The following TRIM37 variants were observed in gnomAD, a reference collection of about 807,000 sequenced individuals.
TRIM37 encodes the protein E3 ubiquitin-protein ligase TRIM37.
Under a neutral mutation model 129.8 loss-of-function variants are expected in TRIM37, and 80 were observed. The observed-to-expected ratio is 0.62, with a 90% CI of 0.51 to 0.74. The LOEUF (loss-of-function observed/expected upper bound fraction) is 0.74. Among genes scored for constraint, TRIM37 ranks in the 30% least tolerant of loss-of-function variants. TRIM37 has a pLI of 0.00. For synonymous variants in TRIM37, 389 were observed against 387.1 expected (o/e 1.00, Z -0.06); for missense variants, 1,054 against 1,176.5 (o/e 0.90, Z 1.52).
At chr17:58,986,729 G>C (rs1303148948) in intron 24 of TRIM37, among the ~76,000 whole-genome samples, 1 of 152,060 alleles carries the variant, frequency 6.6e-6, no homozygotes, top group South Asian at 2.1e-4. Flanking sequence ...GACTGGTCTT[G>C]AACACCTGAC....
chr17:59,023,071 TTTTA>T (rs527276083), intron 19 of TRIM37, among the ~76,000 whole-genome samples: 22 of 152,118 alleles, frequency 1.4e-4, no homozygotes, highest in South Asian at 6.2e-4. Context: ...CTTTTAACTT[TTTTA>T]TTTATTTATT....
At chr17:59,034,647 A>C (rs965645051) in intron 17 of TRIM37, among the ~76,000 whole-genome samples, 1 of 152,094 alleles carries the variant, frequency 6.6e-6, no homozygotes, top group African/African-American at 2.4e-5. Context: ...GGCAGGAGCC[A>C]TGGTGCCCGG....
At chr17:59,105,091 CAAA>C (rs35249068) in intron 1 of TRIM37, among the ~76,000 whole-genome samples, 3 of 122,662 alleles carry the variant, frequency 2.4e-5, no homozygotes, top group Non-Finnish European at 3.4e-5. Context: ...GATTCTGTCT[CAAA>C]AAAAAAAAAA....
Position 59,081,368 on chromosome 17 carries a change from A to C in TRIM37, c.370-149T>G, listed in dbSNP as rs915140642. ...TAATTTAATTTTGTTGAAGCAGGCC[A>C]GTGCCCGCTTAAAATCACTTGGTCC... On this transcript the variant is annotated intron_variant, in intron 5 of 23. Coordinates refer to ENST00000262294, the MANE Select transcript of TRIM37 (RefSeq NM_015294.6). 85 of 1,090,684 alleles carry C rather than the reference A, an allele frequency of 7.8e-5. 1 individual carries two copies. Among genetic ancestry groups the C allele is most frequent in the Non-Finnish European group, 1.1e-4 (80 of 761,604 alleles). 67.6% of individuals were successfully genotyped at this position (1,090,684 alleles called of 1,614,324 possible).
downstream of TRIM37, among the ~76,000 whole-genome samples, chr17:58,994,912 G>A (rs1438935206): frequency 6.6e-6 from 1 of 152,178 alleles, no homozygotes; most frequent in Non-Finnish European, 1.5e-5. Flanking sequence ...ATCACAGCCA[G>A]CTAATTTTGT....
intron 24 of TRIM37, among the ~76,000 whole-genome samples, chr17:58,990,100 C>G (rs1161589586): frequency 1.4e-5 from 2 of 140,938 alleles, no homozygotes; most frequent in African/African-American, 2.7e-5. Flanking sequence ...ATTGCTTGAG[C>G]CCAGGAGGGT....
chr17:58,982,964 A>T, intron 24 of TRIM37: 1 of 1,539,516 alleles, frequency 6.5e-7, no homozygotes, highest in Non-Finnish European at 8.8e-7. Context: ...ATTGGTACAC[A>T]TTATAGTCCA....
chr17:59,045,196 G>A (rs1238513484), intron 16 of TRIM37, among the ~76,000 whole-genome samples: 1 of 152,132 alleles, frequency 6.6e-6, no homozygotes, highest in Non-Finnish European at 1.5e-5. Context: ...GGGCAAGGTG[G>A]TGGGCACCTG....
At chr17:59,010,870 T>C (rs2035162611) in intron 22 of TRIM37, among the ~76,000 whole-genome samples, 1 of 152,024 alleles carries the variant, frequency 6.6e-6, no homozygotes, top group Non-Finnish European at 1.5e-5. Context: ...TGGAGACACA[T>C]AGAAAGTAAC....
At chr17:59,085,455 T>C (rs2043670415) in intron 4 of TRIM37, among the ~76,000 whole-genome samples, 1 of 152,166 alleles carries the variant, frequency 6.6e-6, no homozygotes, top group African/African-American at 2.4e-5. Flanking sequence ...TATGAAAAGA[T>C]GCTCATTACT....
the TRIM37 span, among the ~76,000 whole-genome samples, chr17:58,970,270 A>G: frequency 6.6e-6 from 1 of 152,316 alleles, no homozygotes; most frequent in East Asian, 1.9e-4. Context: ...CTCATGTCCT[A>G]CATTGCGAAG....
chr17:59,081,964 A>AAAAAAATAAT (rs1568200247), intron 5 of TRIM37, among the ~76,000 whole-genome samples: 4 of 87,188 alleles, frequency 4.6e-5, no homozygotes, highest in Admixed American at 1.2e-4. Flanking sequence ...AAAAAAAAAA[A>AAAAAAATAAT]AATAATAATA....
At chr17:59,022,481 G>A (rs972298854) in intron 19 of TRIM37, among the ~76,000 whole-genome samples, 2 of 152,232 alleles carry the variant, frequency 1.3e-5, no homozygotes, top group Non-Finnish European at 2.9e-5. Flanking sequence ...TTAGGGTGAA[G>A]GGCATAGGCT....
At chr17:59,093,361 G>T (rs2044569243) in intron 2 of TRIM37, among the ~76,000 whole-genome samples, 1 of 152,010 alleles carries the variant, frequency 6.6e-6, no homozygotes, top group East Asian at 1.9e-4. Flanking sequence ...TCCAGAACTG[G>T]CCCTATAACC....
At chr17:59,062,446 G>C in intron 11 of TRIM37, 121 bp downstream of exon 11, 4 of 780,980 alleles carry the variant, frequency 5.1e-6, no homozygotes, top group Non-Finnish European at 8.7e-6. Context: ...CAGGGAATGC[G>C]GACAGCATAT....
intron 13 of TRIM37, among the ~76,000 whole-genome samples, chr17:59,053,937 C>T (rs1041415116): frequency 3.9e-5 from 6 of 151,924 alleles, no homozygotes; most frequent in Non-Finnish European, 7.4e-5. Context: ...TGACTCTAAA[C>T]AAAACAAAAC....
intron 16 of TRIM37, among the ~76,000 whole-genome samples, chr17:59,045,815 G>A (rs575637671): frequency 2.0e-5 from 3 of 151,898 alleles, no homozygotes; most frequent in East Asian, 1.9e-4. Flanking sequence ...AGGAGTTCAA[G>A]ACCAGCCTGG....
intron 19 of TRIM37, among the ~76,000 whole-genome samples, chr17:59,020,731 C>T (rs1201143434): frequency 1.3e-5 from 2 of 152,124 alleles, no homozygotes; most frequent in African/African-American, 2.4e-5. Context: ...AAGTGCTCAA[C>T]ATCACTGATC....
chr17:59,037,292 A>C (rs529916775), intron 17 of TRIM37, among the ~76,000 whole-genome samples: 3 of 151,822 alleles, frequency 2.0e-5, no homozygotes, highest in African/African-American at 4.8e-5. Context: ...GGTGCAGTGG[A>C]TCACACCTGT....
Sources: allele counts gnomAD v4.1 joint callset (sites outside exome capture counted in the v4.1 genomes callset), GRCh38; gene constraint gnomAD v4.1.1; transcripts MANE v1.5; gene names NCBI Gene and HGNC (gene_info 2026-07-23, HGNC 2026-07-21).